Variants in CLVS1 observed in about 807,000 individuals in gnomAD.
CLVS1 encodes the protein clavesin 1, also known as clavesin-1.
In CLVS1, 10 loss-of-function variants were observed where a neutral mutation model predicts 33.1. That is an observed-to-expected ratio of 0.30 (90% CI 0.19 to 0.51). The LOEUF (loss-of-function observed/expected upper bound fraction) is 0.51. Ranked by LOEUF, CLVS1 falls within the 20% of genes least tolerant of loss-of-function variation. The pLI, the probability that CLVS1 is intolerant of heterozygous loss-of-function variation, is 0.97. For synonymous variants in CLVS1, 163 were observed against 166.1 expected, an observed-to-expected ratio of 0.98 and a Z score of 0.14; for missense variants, 343 against 433.4, an observed-to-expected ratio of 0.79 and a Z score of 1.85.
chr8:61,326,222 T>C (rs1811380000), intron 2 of CLVS1, among the ~76,000 whole-genome samples: 1 of 152,242 alleles, frequency 6.6e-6, no homozygotes, highest in Admixed American at 6.5e-5. Context: ...TACTTTTGAA[T>C]AGCAAGCTAC....
chr8:61,417,429 C>T (rs1204931366), intron 3 of CLVS1, among the ~76,000 whole-genome samples: 1 of 152,088 alleles, frequency 6.6e-6, no homozygotes, highest in Non-Finnish European at 1.5e-5. Flanking sequence ...TTTTGCTCCA[C>T]CTGTTGGACT....
At chr8:61,261,270 C>T (rs968638568) in intron 2 of CLVS1, among the ~76,000 whole-genome samples, 4 of 152,182 alleles carry the variant, frequency 2.6e-5, no homozygotes, top group African/African-American at 9.7e-5. Context: ...TGAGTGTCTT[C>T]ATGTGAAAGC....
chr8:61,335,012 G>C (rs995159307), intron 2 of CLVS1, among the ~76,000 whole-genome samples: 2 of 152,184 alleles, frequency 1.3e-5, no homozygotes, highest in African/African-American at 4.8e-5. Context: ...AGTGCCGATT[G>C]GTCAGAGATG....
At chr8:61,416,386 A>G (rs1563543691) in intron 3 of CLVS1, among the ~76,000 whole-genome samples, 1 of 152,134 alleles carries the variant, frequency 6.6e-6, no homozygotes, top group African/African-American at 2.4e-5. Context: ...TACTAGAACA[A>G]TAGGTGGGGA....
At chr8:61,270,279 T>C (rs1194175863) in intron 2 of CLVS1, among the ~76,000 whole-genome samples, 2 of 152,144 alleles carry the variant, frequency 1.3e-5, no homozygotes, top group Non-Finnish European at 2.9e-5. Flanking sequence ...AATCATGTGG[T>C]TTTTGTCTTT....
At chr8:61,011,536 C>T in the CLVS1 span, among the ~76,000 whole-genome samples, 1 of 152,114 alleles carries the variant, frequency 6.6e-6, no homozygotes, top group African/African-American at 2.4e-5. Context: ...GCAACATCCA[C>T]CTCTTGGGTT....
chr8:61,100,063 G>A (rs2074339210), intron 1 of CLVS1, among the ~76,000 whole-genome samples: 1 of 152,174 alleles, frequency 6.6e-6, no homozygotes, highest in African/African-American at 2.4e-5. Context: ...AGGTGTTAAT[G>A]CCATTGAATT....
At chr8:61,429,649 A>G (rs1331127281) in intron 3 of CLVS1, among the ~76,000 whole-genome samples, 1 of 152,146 alleles carries the variant, frequency 6.6e-6, no homozygotes, top group Non-Finnish European at 1.5e-5. Context: ...AACCATAGCC[A>G]TGTGTATGTT....
intron 2 of CLVS1, among the ~76,000 whole-genome samples, chr8:61,232,247 A>G (rs1431180519): frequency 6.6e-6 from 1 of 151,766 alleles, no homozygotes; most frequent in Non-Finnish European, 1.5e-5. Context: ...CATGTTAGCC[A>G]GGACGGTCTC....
At chr8:61,175,929 CA>C (rs1662222220) in intron 2 of CLVS1, among the ~76,000 whole-genome samples, 3 of 152,152 alleles carry the variant, frequency 2.0e-5, no homozygotes, top group Admixed American at 2.0e-4. Flanking sequence ...GCCCATGCCC[CA>C]AACTTGTAAG....
At chr8:61,284,282 A>G (rs1020719167), upstream of CLVS1, among the ~76,000 whole-genome samples, 4 of 152,188 alleles carry the variant, frequency 2.6e-5, no homozygotes, top group African/African-American at 9.7e-5. Flanking sequence ...GAGAGGATGA[A>G]TAAGTTCTGG....
At chr8:61,056,654 G>T (rs16926786), upstream of CLVS1, among the ~76,000 whole-genome samples, 29,737 of 152,044 alleles carry the variant, frequency 0.2, 3,199 homozygotes, top group East Asian at 0.3. Context: ...CCTTTCCTTG[G>T]GCTGATGTTG....
intron 5 of CLVS1, among the ~76,000 whole-genome samples, chr8:61,464,141 C>T (rs1817467723): frequency 6.6e-6 from 1 of 150,396 alleles, no homozygotes; most frequent in African/African-American, 2.5e-5. Flanking sequence ...AAATGTAATA[C>T]AGAGACACAA....
At chr8:61,134,340 G>T (rs1455229849) in intron 2 of CLVS1, among the ~76,000 whole-genome samples, 1 of 152,188 alleles carries the variant, frequency 6.6e-6, no homozygotes, top group Non-Finnish European at 1.5e-5. Context: ...TGTGGCTCTA[G>T]GGTGGGGTCA....
chr8:61,182,949 C>T (rs140007856), intron 2 of CLVS1, among the ~76,000 whole-genome samples: 81 of 152,226 alleles, frequency 5.3e-4, no homozygotes, highest in African/African-American at 1.5e-3. Context: ...ATATACACCA[C>T]GAAATACAAT....
At position 61,403,249 on chromosome 8, in the gene CLVS1, A is replaced by C. The variant is rs116845964; in HGVS notation, c.630+26470A>C. 3.9e-5 allele frequency among the ~76,000 whole-genome samples: 6 copies of C among 152,308 alleles called. No homozygotes were observed. The East Asian group carries it at 1.2e-3, about 29-fold the overall frequency. ...GAATAGCAAGGAAGCTCTAGTTCTA[A>C]AGTAAAGTGACTGGGAATAGCGGTA... is the stretch of plus-strand genomic sequence containing the variant. On this transcript the variant is annotated intron_variant, in intron 3 of 5. Transcript: ENST00000325897.
the CLVS1 span, among the ~76,000 whole-genome samples, chr8:60,995,928 CG>C: frequency 6.6e-6 from 1 of 152,070 alleles, no homozygotes; most frequent in Admixed American, 6.6e-5. Flanking sequence ...AACCAAACAC[CG>C]CATATTCTCA....
chr8:61,429,077 GC>G (rs1325608773), intron 3 of CLVS1, among the ~76,000 whole-genome samples: 1 of 152,130 alleles, frequency 6.6e-6, no homozygotes, highest in East Asian at 1.9e-4. Context: ...CAGGGCGCTG[GC>G]ATCTGGCAAG....
In CLVS1 at chr8:61,299,891, A is replaced by G. The variant is rs377639699; in HGVS notation, c.64A>G (p.Lys22Glu). 4 of 1,613,916 alleles carry G rather than the reference A, an allele frequency of 2.5e-6. No homozygotes were observed. The highest frequency in any genetic ancestry group is 1.3e-5 in the African/African-American group (1 of 75,008). ...KLNTWNGDLA[K>E]MTHLQAGLSP... ...AAACACTTGGAACGGAGATTTGGCC[A>G]AGATGACCCATTTACAGGCTGGACT... is the stretch of plus-strand genomic sequence containing the variant. Residue 22 changes from lysine (K) to glutamate (E), a missense_variant, in exon 2 of 6, where the codon AAG (lysine) becomes GAG (glutamate). Physicochemically the swap from Lys to Glu is moderately conservative, Grantham distance 56 (BLOSUM62 1). Coordinates refer to ENST00000325897, the MANE Select transcript of CLVS1 (RefSeq NM_173519.3).
Sources: allele counts gnomAD v4.1 joint callset (sites outside exome capture counted in the v4.1 genomes callset), GRCh38; gene constraint gnomAD v4.1.1; transcripts MANE v1.5; gene names NCBI Gene and HGNC (gene_info 2026-07-23, HGNC 2026-07-21).